ERC2: variants seen among roughly 807,000 people sequenced by gnomAD.
The protein encoded by ERC2 is ELKS/RAB6-interacting/CAST family member 2, also known as ERC protein 2.
In ERC2, 42 loss-of-function variants were observed where a neutral mutation model predicts 114.8. That is an observed-to-expected ratio of 0.37 (90% CI 0.29 to 0.47). The LOEUF (loss-of-function observed/expected upper bound fraction) is 0.47, where lower values mean the gene tolerates loss of function less well. ERC2 is among the 20% of genes least tolerant of loss of function. The probability of loss-of-function intolerance (pLI) is 0.99; values close to 1 mark genes in which losing one functional copy is unlikely to be tolerated. For missense variants in ERC2, 939 were observed against 1,150.7 expected (o/e 0.82, Z 2.66); for synonymous variants, 454 against 425.5 (o/e 1.07, Z -0.82).
chr3:56,271,841 A>G (rs551172275), intron 3 of ERC2, among the ~76,000 whole-genome samples: 1 of 152,284 alleles, frequency 6.6e-6, no homozygotes, highest in South Asian at 2.1e-4. Context: ...AAGTGAGAAC[A>G]TGCAGTATTT....
chr3:55,711,998 A>G (rs928255238), intron 15 of ERC2, among the ~76,000 whole-genome samples: 3 of 152,202 alleles, frequency 2.0e-5, no homozygotes, highest in African/African-American at 7.2e-5. Context: ...GTTTCTCCAA[A>G]CTCTTTAATC....
intron 3 of ERC2, among the ~76,000 whole-genome samples, chr3:56,285,032 TAC>T (rs10575135): frequency 0.5 from 53,596 of 106,528 alleles, 11,545 homozygotes; most frequent in South Asian, 0.57. Flanking sequence ...CACACACACA[TAC>T]ACACACACAC....
In ERC2 at chr3:56,454,358, A is replaced by G. The variant is rs1450620780; in HGVS notation, c.-141+13890T>C. On this transcript the variant is annotated intron_variant, in intron 1 of 17. Coordinates refer to ENST00000288221, the MANE Select transcript of ERC2 (RefSeq NM_015576.3). The stretch of plus-strand genomic sequence containing the variant: ...AGAGTGCCCCAAAGGCACTGCCAAT[A>G]TCAGAATCTCTGCCTGAGAGTATCT... Among the ~76,000 whole-genome samples the G allele has an allele frequency of 2.0e-5, 3 of 152,184 alleles. 1 individual carries two copies. Among genetic ancestry groups the G allele is most frequent in the Non-Finnish European group, 4.4e-5 (3 of 68,038 alleles).
chr3:56,236,889 A>G (rs2050983446), intron 3 of ERC2, among the ~76,000 whole-genome samples: 1 of 152,208 alleles, frequency 6.6e-6, no homozygotes, highest in East Asian at 1.9e-4. Flanking sequence ...GCAAAAATAG[A>G]CATACGTAAC....
intron 14 of ERC2, among the ~76,000 whole-genome samples, chr3:55,851,648 T>C (rs1355199869): frequency 6.6e-6 from 1 of 152,164 alleles, no homozygotes; most frequent in East Asian, 1.9e-4. Context: ...TAAAAAATAG[T>C]TTTTATTATA....
intron 13 of ERC2, among the ~76,000 whole-genome samples, chr3:55,894,472 G>A (rs895927717): frequency 1.3e-5 from 2 of 152,170 alleles, no homozygotes; most frequent in Admixed American, 1.3e-4. Context: ...GGCTACATAT[G>A]CATGTTTGTT....
chr3:55,763,815 T>G (rs2067598292), intron 14 of ERC2, among the ~76,000 whole-genome samples: 1 of 152,194 alleles, frequency 6.6e-6, no homozygotes, highest in South Asian at 2.1e-4. Flanking sequence ...ATCAAGACAT[T>G]CCACCCCTAA....
At chr3:56,317,512 A>G (rs940617850) in intron 2 of ERC2, among the ~76,000 whole-genome samples, 11 of 152,328 alleles carry the variant, frequency 7.2e-5, no homozygotes, top group African/African-American at 2.2e-4. Flanking sequence ...ATGCATTCTC[A>G]GAAGTCTGTG....
chr3:56,153,090 C>G (rs2081513407), intron 4 of ERC2, among the ~76,000 whole-genome samples: 1 of 152,124 alleles, frequency 6.6e-6, no homozygotes, highest in African/African-American at 2.4e-5. Context: ...TTAAATCTAT[C>G]TCTAGATTTC....
At chr3:56,228,784 G>A (rs1044680914) in intron 3 of ERC2, among the ~76,000 whole-genome samples, 14 of 152,074 alleles carry the variant, frequency 9.2e-5, no homozygotes, top group African/African-American at 2.4e-4. Flanking sequence ...TGATTTGTAC[G>A]TTATGCATTT....
chr3:56,120,474 G>A (rs987638635), intron 6 of ERC2, among the ~76,000 whole-genome samples: 4 of 152,176 alleles, frequency 2.6e-5, no homozygotes, highest in African/African-American at 4.8e-5. Context: ...AATGGAGAGA[G>A]GGAAGAGAGA....
At chr3:55,733,919 G>A (rs1427291897) in intron 15 of ERC2, among the ~76,000 whole-genome samples, 1 of 152,194 alleles carries the variant, frequency 6.6e-6, no homozygotes, top group Non-Finnish European at 1.5e-5. Flanking sequence ...CCATTGAGCT[G>A]ACTGAGTTTC....
At chr3:55,907,308 A>T (rs2064515399) in intron 13 of ERC2, among the ~76,000 whole-genome samples, 1 of 152,210 alleles carries the variant, frequency 6.6e-6, no homozygotes, top group Non-Finnish European at 1.5e-5. Flanking sequence ...TTGCTCCTGT[A>T]TGTCTTTGGC....
At chr3:56,167,623 T>TG (rs1229328469) in intron 4 of ERC2, among the ~76,000 whole-genome samples, 3 of 152,076 alleles carry the variant, frequency 2.0e-5, no homozygotes, top group Admixed American at 6.6e-5. Flanking sequence ...TGCTTTATAT[T>TG]GGGGGGTCCA....
At chr3:56,311,233 CTCTCTCTCTCTCTCTCTCTCTCTA>C (rs1391119902) in intron 2 of ERC2, among the ~76,000 whole-genome samples, 55 of 12,750 alleles carry the variant, frequency 4.3e-3, no homozygotes, top group Admixed American at 7.9e-3. Context: ...CCATCATCTT[CTCTCTCTCTCTCTCTCTCTCTCTA>C]TATATATATA....
chr3:56,282,789 T>A (rs1049346053), intron 3 of ERC2, among the ~76,000 whole-genome samples: 1 of 152,114 alleles, frequency 6.6e-6, no homozygotes, highest in Non-Finnish European at 1.5e-5. Context: ...AACCCTCAAA[T>A]GTTCCAGTGC....
chr3:56,313,001 CATATATATATATATATATATATAT>C lies in ERC2; in HGVS notation c.658-16590_658-16567del, dbSNP rs3055903. 7.7e-4 allele frequency among the ~76,000 whole-genome samples: 34 copies of C among 43,882 alleles called. 2 individuals carry two copies. Among genetic ancestry groups the C allele is most frequent in the Admixed American group, 2.8e-3 (8 of 2,884 alleles). 28.8% of individuals were successfully genotyped at this position (43,882 alleles called of 152,430 possible). On this transcript the variant is annotated intron_variant, in intron 2 of 17. Coordinates refer to ENST00000288221, the MANE Select transcript of ERC2 (RefSeq NM_015576.3). ...TTAATATTTAGTGAATATGTATATT[CATATATATATATATATATATATAT>C]ATATATATATATGGGGTGGGAGATG...
At chr3:56,170,424 G>T (rs538895480) in intron 4 of ERC2, among the ~76,000 whole-genome samples, 2 of 152,204 alleles carry the variant, frequency 1.3e-5, no homozygotes, top group South Asian at 4.1e-4. Context: ...CTTGAATTTA[G>T]GCAAGATTTC....
At chr3:55,965,471 T>G (rs1559944646) in intron 12 of ERC2, among the ~76,000 whole-genome samples, 1 of 152,234 alleles carries the variant, frequency 6.6e-6, no homozygotes, top group Non-Finnish European at 1.5e-5. Flanking sequence ...ATATGTTAGC[T>G]ATTTTTTAAA....
Sources: gnomAD v4.1 joint callset for allele counts (sites outside exome capture counted in the v4.1 genomes callset) on GRCh38, gnomAD v4.1.1 for gene constraint, MANE v1.5 for transcripts, NCBI Gene and HGNC (gene_info 2026-07-23, HGNC 2026-07-21) for gene names.